Variants in CAMTA1 observed in about 807,000 individuals in gnomAD.
CAMTA1 encodes the protein calmodulin-binding transcription activator 1.
Under a neutral mutation model 170.9 loss-of-function variants are expected in CAMTA1, and 27 were observed. The observed-to-expected ratio is 0.16, with a 90% CI of 0.12 to 0.22. The LOEUF is 0.22. Ranked by LOEUF, CAMTA1 falls within the 10% of genes least tolerant of loss-of-function variation. The probability of loss-of-function intolerance (pLI) is 1.00; values close to 1 mark genes in which losing one functional copy is unlikely to be tolerated. For missense variants in CAMTA1, 1,619 were observed against 2,217.2 expected, an observed-to-expected ratio of 0.73 and a Z score of 5.42; for synonymous variants, 833 against 891.5, an observed-to-expected ratio of 0.93 and a Z score of 1.17.
chr1:7,406,072 G>A (rs1402260202), intron 5 of CAMTA1, among the ~76,000 whole-genome samples: 1 of 152,236 alleles, frequency 6.6e-6, no homozygotes, highest in African/African-American at 2.4e-5. Flanking sequence ...TCCCCACAAT[G>A]GCAGAGCTGG....
At chr1:7,766,332 G>T in intron 22 of CAMTA1, 127 bp from the exon 23 acceptor site, 4 of 721,172 alleles carry the variant, frequency 5.5e-6, no homozygotes, top group South Asian at 4.4e-5. Flanking sequence ...TTCTTTTGCC[G>T]TCAATCCTCA....
intron 22 of CAMTA1, among the ~76,000 whole-genome samples, chr1:7,756,453 A>G (rs547063306): frequency 6.6e-6 from 1 of 152,336 alleles, no homozygotes; most frequent in South Asian, 2.1e-4. Context: ...TTAGAATATG[A>G]TGCTAGTTTG....
chr1:7,075,301 A>G (rs1238199919), intron 3 of CAMTA1, among the ~76,000 whole-genome samples: 1 of 152,258 alleles, frequency 6.6e-6, no homozygotes, highest in Non-Finnish European at 1.5e-5. Flanking sequence ...GTTATAACCC[A>G]GAACACATAT....
chr1:6,797,278 C>T (rs780214432), intron 1 of CAMTA1, among the ~76,000 whole-genome samples: 9 of 152,140 alleles, frequency 5.9e-5, no homozygotes, highest in Non-Finnish European at 1.0e-4. Flanking sequence ...CCAGGCTGGT[C>T]TCATACTACA....
At chr1:7,182,978 C>G (rs1325206421) in intron 4 of CAMTA1, among the ~76,000 whole-genome samples, 2 of 152,160 alleles carry the variant, frequency 1.3e-5, no homozygotes, top group Non-Finnish European at 2.9e-5. Flanking sequence ...ATGGGCTTAG[C>G]CCTTTTCAAG....
chr1:7,303,567 C>T (rs1219739249), intron 5 of CAMTA1, among the ~76,000 whole-genome samples: 1 of 152,120 alleles, frequency 6.6e-6, no homozygotes, highest in East Asian at 1.9e-4. Flanking sequence ...ACATCGTTTC[C>T]ATTGTTTCAT....
intron 5 of CAMTA1, among the ~76,000 whole-genome samples, chr1:7,379,920 G>T (rs1239245867): frequency 6.6e-6 from 1 of 152,238 alleles, no homozygotes; most frequent in Non-Finnish European, 1.5e-5. Flanking sequence ...ACTTGAGGCT[G>T]CGGCCAGGCA....
chr1:7,647,432 C>A (rs1363351656), intron 7 of CAMTA1, among the ~76,000 whole-genome samples: 2 of 152,130 alleles, frequency 1.3e-5, no homozygotes, highest in Non-Finnish European at 2.9e-5. Flanking sequence ...CCAGTGGCAG[C>A]GGCCCCGCTC....
chr1:6,828,160 G>T (rs1443970390), intron 3 of CAMTA1, among the ~76,000 whole-genome samples: 1 of 152,028 alleles, frequency 6.6e-6, no homozygotes, highest in Non-Finnish European at 1.5e-5. Context: ...GAATTTCTGG[G>T]TATAATGTGA....
At position 7,249,671 on chromosome 1, in the gene CAMTA1, A is replaced by G. The variant is rs190678980; in HGVS notation, c.438+45A>G. 2.5e-5 allele frequency: 40 copies of G among 1,605,224 alleles called. No homozygotes were observed. In the Admixed American group the frequency reaches 5.2e-4, roughly 21 times the overall value. ...CCCTTGGTGCACAAATGTCATTTGC[A>G]GGCTGCAGTGGAGAATGGAATTGCT... is the stretch of plus-strand genomic sequence containing the variant. On this transcript the variant is annotated intron_variant, in intron 5 of 22. Coordinates refer to ENST00000303635, the MANE Select transcript of CAMTA1 (RefSeq NM_015215.4). The surrounding 1 kb of genome is among the most constrained non-coding windows in gnomAD (Gnocchi z 4.4).
At chr1:6,895,756 A>G (rs1009504910) in intron 3 of CAMTA1, among the ~76,000 whole-genome samples, 1 of 152,048 alleles carries the variant, frequency 6.6e-6, no homozygotes, top group African/African-American at 2.4e-5. Context: ...TTCAGGGCTC[A>G]CCTCAAATGT....
At position 7,732,514 on chromosome 1, in the gene CAMTA1, C is replaced by T. The variant is rs533579152; in HGVS notation, c.2981C>T (p.Thr994Met). Residue 994 changes from threonine to methionine, a missense_variant, in exon 12 of 23, where the codon ACG becomes ATG. By Grantham distance (81) the Thr-to-Met change is moderately conservative (BLOSUM62 -1). Transcript: ENST00000303635. The surrounding 1 kb of genome is among the most constrained non-coding windows in gnomAD (Gnocchi z 4.1). ...EQMERRMAEMTGSQQHKQASG... is the reference protein window; with the variant it reads ...EQMERRMAEMMGSQQHKQASG... ...ATGGAGAGGAGGATGGCCGAGATGA[C>T]GGGGTCCCAGCAGCACAAACAGGCG... is the stretch of plus-strand genomic sequence containing the variant. 25 of 1,613,844 alleles carry T rather than the reference C, an allele frequency of 1.5e-5. No individual in the cohort carries two copies. The highest frequency in any genetic ancestry group is 1.5e-5 in the Non-Finnish European group (18 of 1,179,984).
At chr1:7,347,822 C>T (rs76942002) in intron 5 of CAMTA1, among the ~76,000 whole-genome samples, 18 of 152,276 alleles carry the variant, frequency 1.2e-4, no homozygotes, top group East Asian at 9.7e-4. Context: ...TGCCCTTTTC[C>T]GCCTCTCCTA....
intron 6 of CAMTA1, among the ~76,000 whole-genome samples, chr1:7,632,459 C>T (rs1411337021): frequency 6.6e-6 from 1 of 152,248 alleles, no homozygotes; most frequent in Admixed American, 6.5e-5. Context: ...CCAGAAGAAA[C>T]GGAACGCCAT....
At chr1:7,004,150 G>A (rs566046654) in intron 3 of CAMTA1, among the ~76,000 whole-genome samples, 18 of 152,310 alleles carry the variant, frequency 1.2e-4, no homozygotes, top group African/African-American at 4.1e-4. Flanking sequence ...CCTTATAAAC[G>A]AAAGTTCCGT....
rs994304448 is a variant in CAMTA1 at position 7,732,685 on chromosome 1, C to T, written c.3066+86C>T. ...AGTGGATGGATCACAGGCCTCTTCT[C>T]TGCTGCTGATGCGGTCCCTGTATTC... is the stretch of plus-strand genomic sequence containing the variant. On this transcript the variant is annotated intron_variant, in intron 12 of 22. Transcript: ENST00000303635. The surrounding 1 kb of genome is among the most constrained non-coding windows in gnomAD (Gnocchi z 4.1). 6.8e-7 allele frequency: 1 copy of T among 1,467,888 alleles called. No homozygotes were observed. Among genetic ancestry groups the T allele is most frequent in the Non-Finnish European group, 9.0e-7 (1 of 1,105,578 alleles). The allele number at this position is 1,467,888 out of a possible 1,614,324, so 90.9% of individuals were successfully genotyped here. A position where few individuals can be genotyped will look rare whatever the true frequency, so the allele number is the denominator to read the frequency against.
rs2085827509 is a variant in CAMTA1 at position 7,364,682 on chromosome 1, G to T, written c.439-103148G>T. Among the ~76,000 whole-genome samples, 8 of 152,154 alleles carry T rather than the reference G, an allele frequency of 5.3e-5. No individual in the cohort carries two copies. The South Asian group carries it at 1.7e-3, about 32-fold the overall frequency. ...GAGGAGGGGATGTCGAAGGTGAGAG[G>T]TAGGATGCGTGAGATGCTTTCTGGG... On this transcript the variant is annotated intron_variant, in intron 5 of 22. Transcript: ENST00000303635.
intron 6 of CAMTA1, among the ~76,000 whole-genome samples, chr1:7,500,090 C>T (rs1452118232): frequency 8.5e-6 from 1 of 117,558 alleles, no homozygotes; most frequent in Non-Finnish European, 1.7e-5. Context: ...CATGTGTGTC[C>T]ATGAGTGTGT....
At chr1:7,575,625 A>C (rs2150359946) in intron 6 of CAMTA1, among the ~76,000 whole-genome samples, 1 of 152,378 alleles carries the variant, frequency 6.6e-6, no homozygotes, top group East Asian at 1.9e-4. Context: ...AACCATGGCC[A>C]AAAGGGTTCA....
Sources: gnomAD v4.1 joint callset for allele counts (sites outside exome capture counted in the v4.1 genomes callset) on GRCh38, gnomAD v4.1.1 for gene constraint, Gnocchi (gnomAD v3.1) non-coding constraint, MANE v1.5 for transcripts, NCBI Gene and HGNC (gene_info 2026-07-23, HGNC 2026-07-21) for gene names.